Variants in LRRC3B observed in about 807,000 individuals in gnomAD.
LRRC3B encodes leucine-rich repeat-containing protein 3B.
Under a neutral mutation model 12.8 loss-of-function variants are expected in LRRC3B, and 2 were observed. That is an observed-to-expected ratio of 0.16 (90% CI 0.06 to 0.49). The LOEUF (loss-of-function observed/expected upper bound fraction) is 0.49. Among genes scored for constraint, LRRC3B ranks in the 20% least tolerant of loss-of-function variants. LRRC3B has a pLI of 0.96. For synonymous variants in LRRC3B, 132 were observed against 122.0 expected (o/e 1.08, Z -0.54); for missense variants, 189 against 319.4 (o/e 0.59, Z 3.11).
intron 1 of LRRC3B, among the ~76,000 whole-genome samples, chr3:26,678,899 A>G (rs1380363010): frequency 1.3e-5 from 2 of 152,214 alleles, no homozygotes; most frequent in Non-Finnish European, 1.5e-5. Flanking sequence ...ATTTAAAAAA[A>G]AAGTGAAAAC....
chr3:26,644,789 G>T (rs1207383070), intron 1 of LRRC3B, among the ~76,000 whole-genome samples: 2 of 152,092 alleles, frequency 1.3e-5, no homozygotes, highest in Non-Finnish European at 2.9e-5. Context: ...CCATATTCCT[G>T]GTCTTAAGAG....
intron 1 of LRRC3B, among the ~76,000 whole-genome samples, chr3:26,685,990 A>AAGTT (rs1479583100): frequency 2.0e-5 from 3 of 152,194 alleles, no homozygotes; most frequent in Admixed American, 1.3e-4. Flanking sequence ...TAGTTAAAAA[A>AAGTT]AGTTACTTGT....
chr3:26,681,198 A>C (rs138899451), intron 1 of LRRC3B, among the ~76,000 whole-genome samples: 1 of 152,324 alleles, frequency 6.6e-6, no homozygotes, highest in African/African-American at 2.4e-5. Flanking sequence ...TTTAGACATA[A>C]TTAACAATGC....
At chr3:26,674,614 C>A (rs1699819209) in intron 1 of LRRC3B, among the ~76,000 whole-genome samples, 1 of 152,152 alleles carries the variant, frequency 6.6e-6, no homozygotes, top group South Asian at 2.1e-4. Flanking sequence ...TATATTCTGT[C>A]TTATGCCTAG....
intron 1 of LRRC3B, among the ~76,000 whole-genome samples, chr3:26,671,011 C>CTTTTT (rs762788262): frequency 3.1e-4 from 30 of 95,556 alleles, no homozygotes; most frequent in African/African-American, 7.1e-4. Context: ...TCTCATGTAT[C>CTTTTT]TTTTTTTTTT....
rs567024286 is a variant in LRRC3B at position 26,664,524 on chromosome 3, A to G, written c.-161+41287A>G. Among the ~76,000 whole-genome samples the G allele has an allele frequency of 1.8e-4, 27 of 152,238 alleles. No individual in the cohort carries two copies. The South Asian group carries it at 5.6e-3, about 32-fold the overall frequency. ...TGTAAACAATAAAGTTGAGGTTTTC[A>G]TGAAAGAAGGTATTTTTGGTTTAGT... On this transcript the variant is annotated intron_variant, in intron 1 of 1. Coordinates refer to ENST00000396641, the Ensembl canonical transcript of LRRC3B.
rs1279384271 is a variant in LRRC3B, at chr3:26,635,437, G to A, written c.-161+12200G>A. Among the ~76,000 whole-genome samples, 3 of 152,196 alleles carry A rather than the reference G, an allele frequency of 2.0e-5. No homozygotes were observed. In the East Asian group the frequency reaches 5.8e-4, roughly 29 times the overall value. On this transcript the variant is annotated intron_variant, in intron 1 of 1. Transcript: ENST00000396641. ...ATCTAGATGAAGTCATGAAGGTGGG[G>A]TCCTCAACATGAGATTAGTGTTCTT...
intron 1 of LRRC3B, among the ~76,000 whole-genome samples, chr3:26,631,835 C>T (rs964048998): frequency 1.3e-5 from 2 of 152,140 alleles, no homozygotes; most frequent in African/African-American, 4.8e-5. Context: ...CTGGGCTCTA[C>T]TTCCCCCGTA....
chr3:26,678,108 C>T (rs972808030), intron 1 of LRRC3B, among the ~76,000 whole-genome samples: 4 of 152,114 alleles, frequency 2.6e-5, no homozygotes, highest in African/African-American at 4.8e-5. Context: ...TGAGCCACCA[C>T]GTCCAACCAA....
chr3:26,667,020 A>G (rs748359324), intron 1 of LRRC3B, among the ~76,000 whole-genome samples: 1 of 151,860 alleles, frequency 6.6e-6, no homozygotes, highest in Non-Finnish European at 1.5e-5. Flanking sequence ...ATAACTAAGA[A>G]TTAACTATTT....
intron 1 of LRRC3B, among the ~76,000 whole-genome samples, chr3:26,671,344 ATGTG>A (rs200981060): frequency 0.073 from 5,386 of 73,636 alleles, 383 homozygotes; most frequent in East Asian, 0.14. Flanking sequence ...GTGTGTATAT[ATGTG>A]TGTATATATA....
chr3:26,635,331 A>G (rs1698843313), intron 1 of LRRC3B, among the ~76,000 whole-genome samples: 1 of 152,144 alleles, frequency 6.6e-6, no homozygotes, highest in Admixed American at 6.6e-5. Flanking sequence ...ATGAAATACC[A>G]CATTTGCTAT....
At chr3:26,628,952 C>T (rs1698691856) in intron 1 of LRRC3B, among the ~76,000 whole-genome samples, 2 of 151,712 alleles carry the variant, frequency 1.3e-5, no homozygotes, top group South Asian at 4.2e-4. Flanking sequence ...TCATTTGATC[C>T]TAAGCTCTCT....
At chr3:26,671,370 A>ATG (rs1699734583) in intron 1 of LRRC3B, among the ~76,000 whole-genome samples, 4 of 83,132 alleles carry the variant, frequency 4.8e-5, no homozygotes, top group African/African-American at 1.5e-4. Context: ...ATATATATAT[A>ATG]TATAGAGAGA....
chr3:26,709,555 A>C lies in LRRC3B; in HGVS notation c.-118A>C. 1.1e-6 allele frequency: 1 copy of C among 935,244 alleles called. No individual in the cohort carries two copies. Among genetic ancestry groups the C allele is most frequent in the South Asian group, 1.6e-5 (1 of 62,368 alleles). 57.9% of individuals were successfully genotyped at this position (935,244 alleles called of 1,614,324 possible). On this transcript the variant is annotated 5_prime_UTR_variant, in exon 2 of 2. It removes the in-frame stop codon of an upstream open reading frame in the 5' UTR. Transcript: ENST00000396641. ...GAAATAATGAAGAGACACATGTGTT[A>C]GCTGCAGCCTTTTGAAACACGCAAG...
chr3:26,629,296 A>C (rs1284223187), intron 1 of LRRC3B, among the ~76,000 whole-genome samples: 1 of 146,552 alleles, frequency 6.8e-6, no homozygotes, highest in Non-Finnish European at 1.5e-5. Context: ...TAGGTCATTG[A>C]TAGAAGAAGT....
Position 26,710,194 on chromosome 3 carries a change from G to A in LRRC3B, c.522G>A (p.Thr174=), listed in dbSNP as rs181467821. Residue 174 remains threonine, a synonymous_variant, in exon 2 of 2, where the codon ACG becomes ACA. Coordinates refer to ENST00000396641, the Ensembl canonical transcript of LRRC3B. ...CAGCCCACAACGTGATCTGTAAAAC[G>A]TCCGTGTTGGATGAACATGCTGGCA... 2.5e-5 allele frequency: 40 copies of A among 1,613,754 alleles called. 1 individual carries two copies. Among genetic ancestry groups the A allele is most frequent in the South Asian group, 1.6e-4 (15 of 91,026 alleles).
intron 1 of LRRC3B, among the ~76,000 whole-genome samples, chr3:26,662,390 T>C (rs1321263286): frequency 1.3e-5 from 2 of 152,110 alleles, no homozygotes; most frequent in East Asian, 3.9e-4. Flanking sequence ...AATGTATTAC[T>C]CCGGATTAAA....
At chr3:26,699,794 A>T (rs551789310) in intron 1 of LRRC3B, among the ~76,000 whole-genome samples, 1 of 152,318 alleles carries the variant, frequency 6.6e-6, no homozygotes, top group South Asian at 2.1e-4. Context: ...GTAGAGAAGC[A>T]GAAAGAAACC....
Sources: allele counts gnomAD v4.1 joint callset (sites outside exome capture counted in the v4.1 genomes callset), GRCh38; gene constraint gnomAD v4.1.1; transcripts MANE v1.5; gene names NCBI Gene and HGNC (gene_info 2026-07-23, HGNC 2026-07-21).